The following KIAA0825 variants were observed in gnomAD, a reference collection of about 807,000 sequenced individuals.
KIAA0825 encodes KIAA0825, also known as uncharacterized protein KIAA0825.
A neutral mutation model predicts 147.6 loss-of-function variants in KIAA0825; 119 were observed. The observed-to-expected ratio is 0.81, with a 90% CI of 0.69 to 0.94. The LOEUF is 0.94. KIAA0825 is among the 40% of genes least tolerant of loss of function. KIAA0825 has a pLI of 0.00. For synonymous variants in KIAA0825, 470 were observed against 518.1 expected, an observed-to-expected ratio of 0.91 and a Z score of 1.26; for missense variants, 1,381 against 1,472.7, an observed-to-expected ratio of 0.94 and a Z score of 1.02.
intron 20 of KIAA0825, among the ~76,000 whole-genome samples, chr5:94,222,932 G>C (rs1773799863): frequency 6.6e-6 from 1 of 152,070 alleles, no homozygotes; most frequent in African/African-American, 2.4e-5. Context: ...AACTTGCACA[G>C]TTACCCTTTT....
At chr5:94,351,958 G>A (rs1783718724) in intron 20 of KIAA0825, among the ~76,000 whole-genome samples, 1 of 152,172 alleles carries the variant, frequency 6.6e-6, no homozygotes, top group Admixed American at 6.6e-5. Context: ...CCTAAGATCT[G>A]AGACTATAAA....
intron 20 of KIAA0825, among the ~76,000 whole-genome samples, chr5:94,182,964 C>T (rs930293409): frequency 2.0e-5 from 3 of 152,140 alleles, no homozygotes; most frequent in South Asian, 2.1e-4. Context: ...TCTTGTAGCT[C>T]ACCTCCTAGC....
At chr5:94,179,284 G>A (rs537668589) in intron 20 of KIAA0825, among the ~76,000 whole-genome samples, 3 of 152,150 alleles carry the variant, frequency 2.0e-5, no homozygotes, top group South Asian at 2.1e-4. Flanking sequence ...GAAAACAACC[G>A]ACAAATCAAC....
At chr5:94,395,078 A>C (rs1469142057) in intron 17 of KIAA0825, among the ~76,000 whole-genome samples, 1 of 152,234 alleles carries the variant, frequency 6.6e-6, no homozygotes, top group Non-Finnish European at 1.5e-5. Context: ...GCTTGATGCT[A>C]AGAACTCCAT....
chr5:94,551,440 C>CA (rs1775520627), intron 2 of KIAA0825, among the ~76,000 whole-genome samples: 1 of 151,814 alleles, frequency 6.6e-6, no homozygotes, highest in Non-Finnish European at 1.5e-5. Context: ...AAGTCAAAGA[C>CA]AAAAAATAAT....
chr5:94,544,745 A>G (rs1032031967), intron 2 of KIAA0825, among the ~76,000 whole-genome samples: 7 of 152,218 alleles, frequency 4.6e-5, no homozygotes, highest in African/African-American at 1.7e-4. Flanking sequence ...GCAAAAAATT[A>G]TGAGACTTTT....
intron 20 of KIAA0825, among the ~76,000 whole-genome samples, chr5:94,310,421 C>G (rs538071411): frequency 1.3e-5 from 2 of 151,626 alleles, no homozygotes; most frequent in Non-Finnish European, 3.0e-5. Flanking sequence ...GAGATATTTA[C>G]AAAACCAGAG....
intron 14 of KIAA0825, among the ~76,000 whole-genome samples, chr5:94,427,074 C>T (rs1040394016): frequency 6.6e-6 from 1 of 152,104 alleles, no homozygotes; most frequent in East Asian, 1.9e-4. Flanking sequence ...AATTTGCCAG[C>T]CCCTGTTCAT....
chr5:94,194,350 G>A (rs1031098381), intron 20 of KIAA0825, among the ~76,000 whole-genome samples: 1 of 152,002 alleles, frequency 6.6e-6, no homozygotes, highest in African/African-American at 2.4e-5. Context: ...AGCATCCTCA[G>A]CAAATTCAGT....
chr5:94,232,356 T>C (rs947219311), intron 20 of KIAA0825, among the ~76,000 whole-genome samples: 2 of 152,122 alleles, frequency 1.3e-5, no homozygotes, highest in Non-Finnish European at 2.9e-5. Context: ...TTTGTTACTT[T>C]AAAGGAATTA....
At chr5:94,367,068 C>T (rs1191068327) in intron 20 of KIAA0825, among the ~76,000 whole-genome samples, 2 of 152,224 alleles carry the variant, frequency 1.3e-5, no homozygotes, top group Non-Finnish European at 2.9e-5. Flanking sequence ...TGACCTAATG[C>T]TTGCTTGGGC....
chr5:94,318,295 T>G (rs1779845005), intron 20 of KIAA0825, among the ~76,000 whole-genome samples: 1 of 151,860 alleles, frequency 6.6e-6, no homozygotes, highest in African/African-American at 2.4e-5. Context: ...CATTATATGA[T>G]AGATATAAAA....
intron 5 of KIAA0825, among the ~76,000 whole-genome samples, chr5:94,500,765 C>T (rs1209318937): frequency 6.6e-6 from 1 of 152,096 alleles, no homozygotes; most frequent in African/African-American, 2.4e-5. Flanking sequence ...ATTTTAATTT[C>T]ATCTTATTTC....
At chr5:94,400,664 GAAACA>G (rs1423769832) in intron 16 of KIAA0825, among the ~76,000 whole-genome samples, 6 of 152,016 alleles carry the variant, frequency 3.9e-5, no homozygotes, top group African/African-American at 7.2e-5. Context: ...TTTTGTCAAA[GAAACA>G]AAACAAAACA....
At chr5:94,593,483 G>A (rs1342268587) in intron 1 of KIAA0825, 6 of 661,534 alleles carry the variant, frequency 9.1e-6, no homozygotes, top group African/African-American at 3.6e-5. Flanking sequence ...CAGTTTCTTC[G>A]AAACTTTAGA....
At chr5:94,571,676 T>C (rs977962813) in intron 2 of KIAA0825, among the ~76,000 whole-genome samples, 1 of 152,184 alleles carries the variant, frequency 6.6e-6, no homozygotes, top group Non-Finnish European at 1.5e-5. Flanking sequence ...TTAAGTCTTG[T>C]TTTCATGTGG....
chr5:94,281,198 AACACACACACAC>A (rs34358354), intron 20 of KIAA0825, among the ~76,000 whole-genome samples: 3,478 of 145,018 alleles, frequency 0.024, 117 homozygotes, highest in African/African-American at 0.073. Flanking sequence ...TAAGTGATTT[AACACACACACAC>A]ACACACACAC....
chr5:94,335,408 A>T (rs1781700196), intron 20 of KIAA0825, among the ~76,000 whole-genome samples: 1 of 152,042 alleles, frequency 6.6e-6, no homozygotes. Context: ...GTACCAAGTG[A>T]TCTTGGATTA....
intron 20 of KIAA0825, among the ~76,000 whole-genome samples, chr5:94,353,181 A>G (rs914167218): frequency 2.6e-5 from 4 of 152,208 alleles, no homozygotes; most frequent in Non-Finnish European, 5.9e-5. Flanking sequence ...TTTTTTTAAA[A>G]AAACTATTTA....
Sources: allele counts gnomAD v4.1 joint callset (sites outside exome capture counted in the v4.1 genomes callset), GRCh38; gene constraint gnomAD v4.1.1; transcripts MANE v1.5; gene names NCBI Gene and HGNC (gene_info 2026-07-23, HGNC 2026-07-21).